The following AMBRA1 variants were observed in gnomAD, a reference collection of about 807,000 sequenced individuals.
The protein encoded by AMBRA1 is autophagy and beclin 1 regulator 1.
Under a neutral mutation model 125.4 loss-of-function variants are expected in AMBRA1, and 47 were observed. The observed-to-expected ratio is 0.37, with a 90% CI of 0.30 to 0.48. AMBRA1 has a LOEUF of 0.48. Ranked by LOEUF, AMBRA1 falls within the 20% of genes least tolerant of loss-of-function variation. The probability of loss-of-function intolerance (pLI) is 0.99; values close to 1 mark genes in which losing one functional copy is unlikely to be tolerated. For missense variants in AMBRA1, 1,331 were observed against 1,693.4 expected, an observed-to-expected ratio of 0.79 and a Z score of 3.76; for synonymous variants, 626 against 655.5, an observed-to-expected ratio of 0.95 and a Z score of 0.69.
chr11:46,445,406 T>C (rs945089977), intron 11 of AMBRA1, among the ~76,000 whole-genome samples: 1 of 152,068 alleles, frequency 6.6e-6, no homozygotes, highest in African/African-American at 2.4e-5. Context: ...CAAATCTCTA[T>C]TTGAGGTCCC....
At chr11:46,564,916 C>T (rs1448871789) in intron 1 of AMBRA1, among the ~76,000 whole-genome samples, 5 of 152,082 alleles carry the variant, frequency 3.3e-5, no homozygotes, top group South Asian at 2.1e-4. Context: ...CCAGAAATCA[C>T]GGTAAATAAG....
At chr11:46,459,733 T>TACACACACAC (rs1371062674) in intron 11 of AMBRA1, among the ~76,000 whole-genome samples, 9 of 115,530 alleles carry the variant, frequency 7.8e-5, no homozygotes, top group African/African-American at 2.4e-4. Context: ...AAAAAAAAAA[T>TACACACACAC]ACACATACAC....
At chr11:46,592,540 T>G (rs2044640607) in intron 1 of AMBRA1, among the ~76,000 whole-genome samples, 1 of 152,064 alleles carries the variant, frequency 6.6e-6, no homozygotes, top group South Asian at 2.1e-4. Flanking sequence ...GACGAATCAC[T>G]TGAGGCCAGG....
At chr11:46,420,334 T>A (rs1410942359) in intron 14 of AMBRA1, among the ~76,000 whole-genome samples, 2 of 152,232 alleles carry the variant, frequency 1.3e-5, no homozygotes, top group Non-Finnish European at 2.9e-5. Context: ...TCTGGCTGCT[T>A]GGCCTTTGGA....
At chr11:46,592,953 AC>A (rs1478311891) in intron 1 of AMBRA1, among the ~76,000 whole-genome samples, 1 of 151,930 alleles carries the variant, frequency 6.6e-6, no homozygotes, top group African/African-American at 2.4e-5. Context: ...CAACCAGGAA[AC>A]AATGTAGACA....
intron 1 of AMBRA1, among the ~76,000 whole-genome samples, chr11:46,570,093 G>T (rs531954315): frequency 2.6e-5 from 4 of 151,416 alleles, no homozygotes; most frequent in African/African-American, 9.7e-5. Context: ...AAATCCTGTC[G>T]CTACTAAAAA....
chr11:46,581,089 C>T (rs1056328895), intron 1 of AMBRA1, among the ~76,000 whole-genome samples: 3 of 151,996 alleles, frequency 2.0e-5, no homozygotes, highest in South Asian at 4.1e-4. Context: ...CCACCGCGCC[C>T]GGCCCCAGAG....
At chr11:46,454,541 C>T (rs1948761031) in intron 11 of AMBRA1, among the ~76,000 whole-genome samples, 1 of 145,676 alleles carries the variant, frequency 6.9e-6, no homozygotes, top group Admixed American at 6.9e-5. Flanking sequence ...CGAGACCATC[C>T]TGGCTAACAC....
intron 11 of AMBRA1, among the ~76,000 whole-genome samples, chr11:46,447,234 T>A (rs1209095288): frequency 6.6e-6 from 1 of 151,200 alleles, no homozygotes; most frequent in African/African-American, 2.4e-5. Flanking sequence ...AGTGAGACTC[T>A]TATCGCAAAA....
intron 1 of AMBRA1, chr11:46,591,420 A>T (rs573636436): frequency 1.3e-5 from 2 of 152,212 alleles, no homozygotes; most frequent in Non-Finnish European, 2.9e-5. Flanking sequence ...AGGGCCCTTC[A>T]TTTAAATCTT....
chr11:46,544,768 G>A (rs549754375), intron 5 of AMBRA1, among the ~76,000 whole-genome samples: 116 of 152,148 alleles, frequency 7.6e-4, no homozygotes, highest in South Asian at 2.7e-3. Context: ...GGCCAATAAG[G>A]GAAAGCTGAA....
Position 46,577,220 on chromosome 11 carries a change from T to C in AMBRA1, c.-121+16608A>G, listed in dbSNP as rs1368451818. ...CAGAAACAGCCCAAATGTTCTTCAA[T>C]GGATGAATGGATAAACAAATGTGAT... is the stretch of plus-strand genomic sequence containing the variant. On this transcript the variant is annotated intron_variant, in intron 1 of 17. Coordinates refer to ENST00000683756, the MANE Select transcript of AMBRA1 (RefSeq NM_001387011.1). 2.6e-5 allele frequency among the ~76,000 whole-genome samples: 4 copies of C among 152,172 alleles called. No homozygotes were observed. The South Asian group carries it at 6.2e-4, about 24-fold the overall frequency.
At chr11:46,490,069 C>G (rs1950407900) in intron 11 of AMBRA1, among the ~76,000 whole-genome samples, 1 of 152,226 alleles carries the variant, frequency 6.6e-6, no homozygotes, top group African/African-American at 2.4e-5. Context: ...GTGGGAAAGA[C>G]AGTACCTGGT....
chr11:46,498,565 G>C (rs1156755121), intron 9 of AMBRA1, among the ~76,000 whole-genome samples: 2 of 152,202 alleles, frequency 1.3e-5, no homozygotes, highest in African/African-American at 4.8e-5. Context: ...ACAAGAAGAT[G>C]TATTTCCAGA....
chr11:46,399,066 G>A (rs1297811387), intron 17 of AMBRA1, among the ~76,000 whole-genome samples: 6 of 151,628 alleles, frequency 4.0e-5, no homozygotes, highest in Admixed American at 3.3e-4. Context: ...GAGCCACCAC[G>A]CCTGGCCATA....
At chr11:46,498,610 A>C (rs1950723510) in intron 9 of AMBRA1, among the ~76,000 whole-genome samples, 1 of 152,218 alleles carries the variant, frequency 6.6e-6, no homozygotes, top group Non-Finnish European at 1.5e-5. Flanking sequence ...TCTTTTGCTA[A>C]ATGTCTAGGA....
intron 9 of AMBRA1, 144 bp from the exon 10 acceptor site, chr11:46,494,348 A>C: frequency 1.6e-6 from 1 of 612,370 alleles, no homozygotes. Context: ...CTCACTAATT[A>C]GGCAGCACAT....
intron 11 of AMBRA1, among the ~76,000 whole-genome samples, chr11:46,484,514 A>G (rs1256427748): frequency 6.6e-6 from 1 of 152,232 alleles, no homozygotes; most frequent in Non-Finnish European, 1.5e-5. Flanking sequence ...GAGAACTTAA[A>G]GTACAAATAA....
intron 8 of AMBRA1, among the ~76,000 whole-genome samples, chr11:46,512,232 G>C (rs1414021352): frequency 6.6e-6 from 1 of 152,136 alleles, no homozygotes; most frequent in Non-Finnish European, 1.5e-5. Context: ...CTCCTTCTTC[G>C]GTCGTCTCTT....
Sources: allele counts gnomAD v4.1 joint callset (sites outside exome capture counted in the v4.1 genomes callset), GRCh38; gene constraint gnomAD v4.1.1; transcripts MANE v1.5; gene names NCBI Gene and HGNC (gene_info 2026-07-23, HGNC 2026-07-21).